Variants in EFCC1 observed in about 807,000 individuals in gnomAD.
EFCC1 encodes the protein EF-hand and coiled-coil domain containing 1.
In EFCC1, 50 loss-of-function variants were observed where a neutral mutation model predicts 52.1. The ratio of observed to expected loss-of-function variants is 0.96; its 90% CI spans 0.76 to 1.21. The LOEUF is 1.21. EFCC1 is among the 50% of genes most tolerant of loss of function. EFCC1 has a pLI of 0.00. For missense variants in EFCC1, 837 were observed against 867.3 expected, an observed-to-expected ratio of 0.97 and a Z score of 0.44; for synonymous variants, 399 against 396.5, an observed-to-expected ratio of 1.01 and a Z score of -0.08.
At chr3:129,031,029 A>G (rs754697662) in intron 3 of EFCC1, among the ~76,000 whole-genome samples, 169 bp downstream of exon 3, 5 of 152,126 alleles carry the variant, frequency 3.3e-5, no homozygotes, top group Non-Finnish European at 7.4e-5. Flanking sequence ...CAGCCCCATC[A>G]TCCTAAGAAC....
At chr3:129,021,574 C>A (rs1220770875) in intron 2 of EFCC1, among the ~76,000 whole-genome samples, 17 of 152,100 alleles carry the variant, frequency 1.1e-4, no homozygotes, top group Middle Eastern at 3.4e-3. Flanking sequence ...AACTCCGTCT[C>A]AAAAAACAAA....
intron 2 of EFCC1, among the ~76,000 whole-genome samples, chr3:129,018,680 CA>C (rs779868596): frequency 3.9e-5 from 6 of 152,324 alleles, no homozygotes; most frequent in Admixed American, 6.5e-5. Context: ...GGGGACTGGG[CA>C]GGGGCAGGGA....
rs2107844392 is a variant in EFCC1 at position 129,001,837 on chromosome 3, G to C, written c.209G>C (p.Gly70Ala). ...QEVFHHLDCR[G>A]AGRLPRADFR... ...GTCTTCCACCACCTGGACTGCCGCG[G>C]CGCCGGCCGTCTGCCCCGCGCCGAC... The change falls in exon 1 of 8, where the codon GGC (glycine) becomes GCC (alanine). Residue 70 changes from glycine to alanine, a missense_variant. Physicochemically the swap from Gly to Ala is moderately conservative, Grantham distance 60. Transcript: ENST00000683648. 1.9e-6 allele frequency: 3 copies of C among 1,545,728 alleles called. No homozygotes were observed. The South Asian group carries it at 3.6e-5, about 18-fold the overall frequency.
chr3:129,010,381 G>A lies in EFCC1; in HGVS notation c.980+6304G>A, dbSNP rs761772387. 1.3e-5 allele frequency among the ~76,000 whole-genome samples: 2 copies of A among 152,256 alleles called. No individual in the cohort carries two copies. Among genetic ancestry groups the A allele is most frequent in the Non-Finnish European group, 2.9e-5 (2 of 68,048 alleles). ...CCTAGGGCCAGCACCACTGGGCAGGGGCTGGTGCCCAAAAAGACAGAAGAG... is the reference window on the plus strand; with the variant it reads ...CCTAGGGCCAGCACCACTGGGCAGGAGCTGGTGCCCAAAAAGACAGAAGAG... On this transcript the variant is annotated intron_variant, in intron 2 of 7. Coordinates refer to ENST00000683648, the MANE Select transcript of EFCC1 (RefSeq NM_001377500.1). The surrounding 1 kb of genome is among the most constrained non-coding windows in gnomAD (Gnocchi z 4.3).
chr3:129,028,729 G>A (rs1333935234), intron 2 of EFCC1, among the ~76,000 whole-genome samples: 1 of 151,488 alleles, frequency 6.6e-6, no homozygotes, highest in African/African-American at 2.4e-5. Context: ...TGCAACCTCC[G>A]CCTCCCAGGT....
At chr3:129,029,950 C>T (rs915276367) in intron 2 of EFCC1, among the ~76,000 whole-genome samples, 4 of 151,588 alleles carry the variant, frequency 2.6e-5, no homozygotes, top group East Asian at 3.9e-4. Flanking sequence ...TTTGTGAGGC[C>T]GAGGCAGGCA....
Position 129,004,030 on chromosome 3 carries a change from C to T in EFCC1, c.933C>T (p.Gly311=). Residue 311 remains glycine, a synonymous_variant, in exon 2 of 8, where the codon GGC becomes GGT. Coordinates refer to ENST00000683648, the MANE Select transcript of EFCC1 (RefSeq NM_001377500.1). ...AGGCGCTGGCGCAACAGGTGCCCGG[C>T]TTGCAGCGCTGGGTGCGGCGGCTGG... ...ELEALAQQVP[G]LQRWVRRLEA... 6.6e-7 allele frequency: 1 copy of T among 1,510,664 alleles called. No homozygotes were observed. Among genetic ancestry groups the T allele is most frequent in the Non-Finnish European group, 8.8e-7 (1 of 1,136,528 alleles). 93.6% of individuals were successfully genotyped at this position (1,510,664 alleles called of 1,614,324 possible).
chr3:129,004,125 C>G, intron 2 of EFCC1, 48 bp downstream of exon 2: 1 of 1,421,216 alleles, frequency 7.0e-7, no homozygotes, highest in Non-Finnish European at 9.2e-7. Context: ...ATTCGGCTCC[C>G]ATTTTCCCAA....
rs533976895 is a variant in EFCC1 at position 129,039,033 on chromosome 3, G to A, written c.1663+133G>A. The A allele has an allele frequency of 7.3e-6, 6 of 819,030 alleles. No individual in the cohort carries two copies. In the East Asian group the frequency reaches 1.3e-4, roughly 18 times the overall value. 50.7% of individuals were successfully genotyped at this position (819,030 alleles called of 1,614,324 possible). A position where few individuals can be genotyped will look rare whatever the true frequency, so the allele number is the denominator to read the frequency against. Reference sequence around the variant, plus strand: ...TGTTATTCCTGCCCTGCATGCTTTAGAAAGCTGAAGGGGCTTTTAGCAAGA... The same window carrying A: ...TGTTATTCCTGCCCTGCATGCTTTAAAAAGCTGAAGGGGCTTTTAGCAAGA... On this transcript the variant is annotated intron_variant, in intron 7 of 7. Transcript: ENST00000683648.
At chr3:129,033,002 G>A (rs779061566) in intron 4 of EFCC1, 36 bp downstream of exon 4, 97 of 1,491,898 alleles carry the variant, frequency 6.5e-5, no homozygotes, top group Non-Finnish European at 8.2e-5. Flanking sequence ...ACTGTGGGCC[G>A]CAGGCTCCAG....
chr3:129,029,686 G>C (rs1235418999), intron 2 of EFCC1, among the ~76,000 whole-genome samples: 1 of 151,336 alleles, frequency 6.6e-6, no homozygotes, highest in African/African-American at 2.4e-5. Flanking sequence ...CCAGGTTCAA[G>C]CGATTCTCCT....
intron 2 of EFCC1, among the ~76,000 whole-genome samples, chr3:129,029,646 G>A (rs964379558): frequency 1.3e-3 from 193 of 151,196 alleles, no homozygotes; most frequent in African/African-American, 4.3e-3. Flanking sequence ...GGTAGATCTC[G>A]GCTCACTGCA....
At chr3:129,002,504 C>G (rs1044589389) in intron 1 of EFCC1, 180 bp downstream of exon 1, 40 of 1,233,674 alleles carry the variant, frequency 3.2e-5, no homozygotes, top group Non-Finnish European at 4.1e-5. Flanking sequence ...CCATTCCACT[C>G]CAGTCCCCAA....
intron 7 of EFCC1, 32 bp downstream of exon 7, chr3:129,038,932 C>G (rs544762122): frequency 2.5e-6 from 4 of 1,594,664 alleles, no homozygotes; most frequent in Non-Finnish European, 3.4e-6. Flanking sequence ...TCAGAGCCCA[C>G]GCAGTGGCTG....
intron 5 of EFCC1, among the ~76,000 whole-genome samples, chr3:129,034,702 A>G (rs1946334551): frequency 6.6e-6 from 1 of 152,082 alleles, no homozygotes; most frequent in Non-Finnish European, 1.5e-5. Flanking sequence ...ATGATGGGGG[A>G]AGGGAAGACA....
chr3:129,032,799 C>G lies in EFCC1; in HGVS notation c.1139-20C>G, dbSNP rs1175032501. On this transcript the variant is annotated intron_variant, in intron 3 of 7. Coordinates refer to ENST00000683648, the MANE Select transcript of EFCC1 (RefSeq NM_001377500.1). ...TTCCCCACCCTTTGTCCTGCATCCC[C>G]ACATCCTGTGCTTCCCCAGCAGTGG... 1.3e-6 allele frequency: 2 copies of G among 1,549,566 alleles called. No homozygotes were observed. Among genetic ancestry groups the G allele is most frequent in the Non-Finnish European group, 1.7e-6 (2 of 1,146,014 alleles).
At chr3:129,036,906 G>A (rs1946360562) in intron 5 of EFCC1, 71 bp from the exon 6 acceptor site, 14 of 1,608,016 alleles carry the variant, frequency 8.7e-6, no homozygotes, top group Non-Finnish European at 1.2e-5. Flanking sequence ...GGGAGATGGA[G>A]TAGTTGATCC....
intron 2 of EFCC1, among the ~76,000 whole-genome samples, chr3:129,019,835 C>T (rs1443845852): frequency 2.2e-5 from 3 of 134,042 alleles, no homozygotes; most frequent in Non-Finnish European, 4.6e-5. Flanking sequence ...ATGGTATGAT[C>T]TCAGCTCACT....
intron 2 of EFCC1, among the ~76,000 whole-genome samples, chr3:129,024,016 C>G (rs890967703): frequency 3.3e-5 from 5 of 152,176 alleles, no homozygotes; most frequent in South Asian, 2.1e-4. Flanking sequence ...CTGGCCTGGC[C>G]TTTCCTTGCA....
Sources: gnomAD v4.1 joint callset for allele counts (sites outside exome capture counted in the v4.1 genomes callset) on GRCh38, gnomAD v4.1.1 for gene constraint, Gnocchi (gnomAD v3.1) non-coding constraint, MANE v1.5 for transcripts, NCBI Gene and HGNC (gene_info 2026-07-23, HGNC 2026-07-21) for gene names.